CCDC125: variants seen among roughly 807,000 people sequenced by gnomAD.
CCDC125 encodes coiled-coil domain-containing protein 125.
In CCDC125, 43 loss-of-function variants were observed where a neutral mutation model predicts 57.4. The observed-to-expected ratio is 0.75, with a 90% CI of 0.59 to 0.97. The LOEUF (loss-of-function observed/expected upper bound fraction) is 0.97, where lower values mean the gene tolerates loss of function less well. Ranked by LOEUF, CCDC125 falls within the 50% of genes least tolerant of loss-of-function variation. CCDC125 has a pLI of 0.00. For missense variants in CCDC125, 563 were observed against 595.7 expected, an observed-to-expected ratio of 0.95 and a Z score of 0.57; for synonymous variants, 187 against 195.2, an observed-to-expected ratio of 0.96 and a Z score of 0.35.
In CCDC125 at chr5:69,328,412, T is replaced by G. The variant is rs150549157; in HGVS notation, c.-41+4237A>C. On this transcript the variant is annotated intron_variant, in intron 1 of 11. Transcript: ENST00000396496. ...AAAATTAATTAAATAAGTATTAGAG[T>G]TATAGTGTATTTAACATAGTTTAAG... Among the ~76,000 whole-genome samples, 152 of 152,036 alleles carry G rather than the reference T, an allele frequency of 1.0e-3. 1 individual carries two copies. Among genetic ancestry groups the G allele is most frequent in the African/African-American group, 3.6e-3 (149 of 41,508 alleles).
At chr5:69,296,823 G>T (rs1422389718) in intron 8 of CCDC125, among the ~76,000 whole-genome samples, 1 of 151,620 alleles carries the variant, frequency 6.6e-6, no homozygotes, top group Admixed American at 6.6e-5. Flanking sequence ...AATTAGCTGG[G>T]CATGGTGGTG....
chr5:69,315,427 G>C (rs970593300), intron 2 of CCDC125, among the ~76,000 whole-genome samples: 2 of 109,304 alleles, frequency 1.8e-5, no homozygotes, highest in Non-Finnish European at 3.5e-5. Flanking sequence ...AACAGAGCGA[G>C]ATTCTGTCTC....
intron 2 of CCDC125, among the ~76,000 whole-genome samples, chr5:69,316,764 C>T (rs1325727928): frequency 2.6e-5 from 4 of 152,040 alleles, no homozygotes; most frequent in Non-Finnish European, 5.9e-5. Context: ...TCTCCCACCT[C>T]GGCCTCCCAA....
intron 4 of CCDC125, chr5:69,309,561 T>G (rs1182626959): frequency 1.3e-5 from 2 of 152,246 alleles, no homozygotes; most frequent in African/African-American, 4.8e-5. Flanking sequence ...AATGCCTGGA[T>G]GTCCAGGCAG....
chr5:69,274,561 G>C, the CCDC125 span, among the ~76,000 whole-genome samples: 1 of 152,204 alleles, frequency 6.6e-6, no homozygotes, highest in Non-Finnish European at 1.5e-5. Flanking sequence ...GGTGAGGAAT[G>C]CTTGCAAAGT....
intron 2 of CCDC125, among the ~76,000 whole-genome samples, chr5:69,315,930 TAAAAA>T (rs34485198): frequency 4.4e-4 from 52 of 118,076 alleles, no homozygotes; most frequent in African/African-American, 5.7e-4. Flanking sequence ...TCAACGGCAG[TAAAAA>T]AAAAAAAAAA....
chr5:69,294,625 A>C (rs1264366165), intron 9 of CCDC125, among the ~76,000 whole-genome samples, 168 bp downstream of exon 9: 4 of 152,222 alleles, frequency 2.6e-5, no homozygotes, highest in Non-Finnish European at 4.4e-5. Context: ...TTTTGGAACC[A>C]GGTAAACAAA....
intron 2 of CCDC125, among the ~76,000 whole-genome samples, chr5:69,318,591 A>AT (rs938309461): frequency 2.4e-4 from 36 of 149,606 alleles, no homozygotes; most frequent in African/African-American, 8.6e-4. Flanking sequence ...AAAAATACAA[A>AT]AAAAAAAAAA....
At position 69,306,884 on chromosome 5, in the gene CCDC125, AC is replaced by A; in HGVS notation, c.549del (p.Gln183HisfsTer4). The A allele has an allele frequency of 6.6e-7, 1 of 1,512,550 alleles. No individual in the cohort carries two copies. The highest frequency in any genetic ancestry group is 8.8e-7 in the Non-Finnish European group (1 of 1,136,246). 93.7% of individuals were successfully genotyped at this position (1,512,550 alleles called of 1,614,324 possible). ...CTATTATGATCAAATTCTATTTCCCACTGCAAGGCATTTATTTCCTATGGAA... is the reference window on the plus strand; with the variant it reads ...CTATTATGATCAAATTCTATTTCCCATGCAAGGCATTTATTTCCTATGGAA... ...RSLEKEINAL[Q>X]WEIEFDHNRF... On this transcript the variant is annotated frameshift_variant, in exon 6 of 12. Coordinates refer to ENST00000396496, the MANE Select transcript of CCDC125 (RefSeq NM_176816.5). LOFTEE classifies it high-confidence loss of function.
Position 69,307,951 on chromosome 5 carries a change from C to T in CCDC125, c.531G>A (p.Lys177=). The change falls in exon 5 of 12, where the codon AAG becomes AAA. Residue 177 remains lysine (K), a splice_region_variant and synonymous_variant. Transcript: ENST00000396496. The part of the protein sequence containing the change: ...KTMEQNRSLE[K]EINALQWEIE... The stretch of plus-strand genomic sequence containing the variant: ...AGTCTACACTAAAAGCACCAAATAC[C>T]TTCTCCAAGGATCTGTTTTGTTCCA... The T allele has an allele frequency of 7.4e-6, 12 of 1,612,104 alleles. No individual in the cohort carries two copies. The highest frequency in any genetic ancestry group is 9.3e-6 in the Non-Finnish European group (11 of 1,178,252).
chr5:69,326,179 C>A (rs1314621021), intron 1 of CCDC125, among the ~76,000 whole-genome samples: 1 of 152,142 alleles, frequency 6.6e-6, no homozygotes, highest in Non-Finnish European at 1.5e-5. Context: ...TCAGAGCCAA[C>A]ACTCTTAGCC....
At chr5:69,306,703 C>T in intron 6 of CCDC125, 114 bp downstream of exon 6, 2 of 1,167,184 alleles carry the variant, frequency 1.7e-6, no homozygotes, top group Non-Finnish European at 2.2e-6. Context: ...AGTGGATAAG[C>T]AATAAAAATT....
intron 3 of CCDC125, among the ~76,000 whole-genome samples, chr5:69,312,113 G>T (rs1758253795): frequency 6.6e-6 from 1 of 152,050 alleles, no homozygotes; most frequent in Non-Finnish European, 1.5e-5. Flanking sequence ...GCAGCTGCAG[G>T]CCCCAATCCA....
At chr5:69,326,922 G>A (rs1217043598) in intron 1 of CCDC125, among the ~76,000 whole-genome samples, 2 of 152,010 alleles carry the variant, frequency 1.3e-5, no homozygotes, top group African/African-American at 2.4e-5. Flanking sequence ...TGGGCATGGT[G>A]GTGCACACCT....
intron 8 of CCDC125, among the ~76,000 whole-genome samples, chr5:69,296,403 T>C (rs944291485): frequency 1.3e-5 from 2 of 151,646 alleles, no homozygotes; most frequent in Non-Finnish European, 2.9e-5. Flanking sequence ...AATACAAAAA[T>C]TAGCTGGGTG....
At chr5:69,301,586 A>G (rs907455544) in intron 7 of CCDC125, among the ~76,000 whole-genome samples, 1 of 152,062 alleles carries the variant, frequency 6.6e-6, no homozygotes, top group African/African-American at 2.4e-5. Context: ...AGACAAAAAT[A>G]TTAGCTGGGA....
At chr5:69,293,885 G>A (rs115506389) in intron 9 of CCDC125, 7 of 152,278 alleles carry the variant, frequency 4.6e-5, no homozygotes, top group African/African-American at 1.4e-4. Flanking sequence ...AAATATAATG[G>A]CAGCTATCAT....
chr5:69,315,285 G>A (rs1229254299), intron 2 of CCDC125, among the ~76,000 whole-genome samples: 3 of 148,824 alleles, frequency 2.0e-5, no homozygotes, highest in Admixed American at 1.3e-4. Context: ...CCTGAAGGCT[G>A]GGCACGGTGG....
downstream of CCDC125, among the ~76,000 whole-genome samples, chr5:69,278,703 CTTTTT>C: frequency 9.2e-6 from 1 of 108,126 alleles, no homozygotes; most frequent in Admixed American, 1.2e-4. Context: ...TCTCTCTCTC[CTTTTT>C]TTTTTTTTTT....
Sources: allele counts gnomAD v4.1 joint callset (sites outside exome capture counted in the v4.1 genomes callset), GRCh38; gene constraint gnomAD v4.1.1; transcripts MANE v1.5; gene names NCBI Gene and HGNC (gene_info 2026-07-23, HGNC 2026-07-21).